Variants in EIF6 observed in about 807,000 individuals in gnomAD.
EIF6 encodes the protein B4 integrin interactor.
A neutral mutation model predicts 25.5 loss-of-function variants in EIF6; 10 were observed. The observed-to-expected ratio is 0.39, with a 90% CI of 0.24 to 0.66. The LOEUF (loss-of-function observed/expected upper bound fraction) is 0.66, where lower values mean the gene tolerates loss of function less well. Among genes scored for constraint, EIF6 ranks in the 30% least tolerant of loss-of-function variants. The pLI is 0.45. For missense variants in EIF6, 246 were observed against 315.4 expected, an observed-to-expected ratio of 0.78 and a Z score of 1.67; for synonymous variants, 122 against 122.6, an observed-to-expected ratio of 1.00 and a Z score of 0.03.
rs1335172687 is a variant in EIF6 at position 35,284,422 on chromosome 20, G to A, written c.66C>T (p.Thr22=). The change falls in exon 2 of 7, where the codon ACC becomes ACT. Residue 22 remains threonine, a synonymous_variant. Coordinates refer to ENST00000374450, the MANE Select transcript of EIF6 (RefSeq NM_002212.4). ...EIGCFAKLTN[T]YCLVAIGGSE... ...AGCCTCCGATCGCTACCAGACAGTA[G>A]GTGTTGGTGAGCTTGGCAAAGCAGC... The A allele has an allele frequency of 6.2e-7, 1 of 1,613,958 alleles. No homozygotes were observed.
rs576411493 is a variant in EIF6, at chr20:35,279,487, G to T, written c.728+79C>A. ...AACAAACTGGTAGGCTCCCATTCTAGATGACATCTTTTCCCCATACTCTCA... is the reference window on the plus strand; with the variant it reads ...AACAAACTGGTAGGCTCCCATTCTATATGACATCTTTTCCCCATACTCTCA... On this transcript the variant is annotated intron_variant, in intron 6 of 6. Transcript: ENST00000374450. The T allele has an allele frequency of 4.7e-5, 73 of 1,564,518 alleles. 2 individuals are homozygous for T. In the African/African-American group the frequency reaches 8.9e-4, roughly 19 times the overall value.
At chr20:35,283,420 C>T (rs765431608) in intron 3 of EIF6, among the ~76,000 whole-genome samples, 34 of 152,322 alleles carry the variant, frequency 2.2e-4, no homozygotes, top group Non-Finnish European at 4.6e-4. Context: ...AGGAAGACCG[C>T]ATATCTTAGC....
intron 3 of EIF6, among the ~76,000 whole-genome samples, chr20:35,283,300 T>A (rs902310974): frequency 2.7e-5 from 4 of 149,270 alleles, no homozygotes; most frequent in South Asian, 2.1e-4. Flanking sequence ...AAAAAAATAA[T>A]AATAATAATA....
At chr20:35,284,082 T>C in intron 3 of EIF6, 94 bp downstream of exon 3, 1 of 1,431,592 alleles carries the variant, frequency 7.0e-7, no homozygotes, top group Non-Finnish European at 9.4e-7. Context: ...GATGATACCC[T>C]GGGAATCCCT....
chr20:35,282,138 G>GCCA (rs2060780713), intron 3 of EIF6, among the ~76,000 whole-genome samples: 1 of 151,930 alleles, frequency 6.6e-6, no homozygotes, highest in Admixed American at 6.6e-5. Context: ...ACAGGCACCC[G>GCCA]CCACCACACC....
At chr20:35,284,083 G>A in intron 3 of EIF6, 93 bp downstream of exon 3, 1 of 1,439,502 alleles carries the variant, frequency 6.9e-7, no homozygotes, top group Non-Finnish European at 9.3e-7. Context: ...ATGATACCCT[G>A]GGAATCCCTA....
In EIF6 at chr20:35,284,472, A is replaced by T; in HGVS notation, c.16T>A (p.Ser6Thr). 6.2e-7 allele frequency: 1 copy of T among 1,608,560 alleles called. No homozygotes were observed. The highest frequency in any genetic ancestry group is 8.5e-7 in the Non-Finnish European group (1 of 1,175,614). The change falls in exon 2 of 7, where the codon TCG (serine) becomes ACG (threonine). Residue 6 changes from serine to threonine, a missense_variant. Coordinates refer to ENST00000374450, the MANE Select transcript of EIF6 (RefSeq NM_002212.4). The stretch of plus-strand genomic sequence containing the variant: ...CCGATCTCACAGTTGTTCTCGAACG[A>T]AGCTCGGACCGCCATGAGGCCTAGG... MAVRA[S>T]FENNCEIGCF...
Position 35,284,743 on chromosome 20 carries a change from G to A in EIF6, c.-23C>T, listed in dbSNP as rs1031541059. 1.9e-6 allele frequency: 1 copy of A among 536,850 alleles called. No homozygotes were observed. The highest frequency in any genetic ancestry group is 3.3e-6 in the Non-Finnish European group (1 of 301,498). The allele number at this position is 536,850 out of a possible 1,614,324, so 33.3% of individuals were successfully genotyped here. On this transcript the variant is annotated 5_prime_UTR_variant, in exon 1 of 7. Coordinates refer to ENST00000374450, the MANE Select transcript of EIF6 (RefSeq NM_002212.4). ...CAGCTTACCAAGTAACCAGTAACAA[G>A]CTCCGCACGCGGCGACTGTACCTTG...
Position 35,280,116 on chromosome 20 carries a change from C to A in EIF6, c.372G>T (p.Glu124Asp). ...VALVHPDLDRETEEILADVLK... is the reference protein window; with the variant it reads ...VALVHPDLDRDTEEILADVLK... Reference sequence around the variant, plus strand: ...GCACATCTGCCAGAATTTCTTCTGTCTCCTGTCAATCAAAGATATTGTGTT... The same window carrying A: ...GCACATCTGCCAGAATTTCTTCTGTATCCTGTCAATCAAAGATATTGTGTT... Residue 124 changes from glutamate to aspartate, a missense_variant and splice_region_variant, in exon 5 of 7, where the codon GAG becomes GAT. By Grantham distance (45) the Glu-to-Asp change is conservative. Coordinates refer to ENST00000374450, the MANE Select transcript of EIF6 (RefSeq NM_002212.4). 1 of 1,613,922 alleles carries A rather than the reference C, an allele frequency of 6.2e-7. No homozygotes were observed. The highest frequency in any genetic ancestry group is 8.5e-7 in the Non-Finnish European group (1 of 1,179,844).
At chr20:35,284,323 G>A (rs1014360627) in intron 2 of EIF6, 58 bp downstream of exon 2, 21 of 1,613,712 alleles carry the variant, frequency 1.3e-5, no homozygotes, top group African/African-American at 1.1e-4. Context: ...CACTGCCGGA[G>A]CTCTTGACTC....
At chr20:35,280,194 T>C in intron 4 of EIF6, 76 bp from the exon 5 acceptor site, 1 of 1,525,970 alleles carries the variant, frequency 6.6e-7, no homozygotes, top group South Asian at 1.2e-5. Context: ...CCCAGAAGCA[T>C]CCAGGCCTTG....
chr20:35,280,053 C>A lies in EIF6; in HGVS notation c.435G>T (p.Gln145His). 6.2e-7 allele frequency: 1 copy of A among 1,614,222 alleles called. No individual in the cohort carries two copies. The highest frequency in any genetic ancestry group is 8.5e-7 in the Non-Finnish European group (1 of 1,180,040). The change falls in exon 5 of 7, where the codon CAG becomes CAT. Residue 145 changes from glutamine (Q) to histidine (H), a missense_variant. Physicochemically the swap from Gln to His is conservative, Grantham distance 24 (BLOSUM62 0). Coordinates refer to ENST00000374450, the MANE Select transcript of EIF6 (RefSeq NM_002212.4). ...AGACACAGTAGCTTCCTACTAGCAC[C>A]TGGTCGGCCACTGTCTGTCTGAAGA... ...VEVFRQTVAD[Q>H]VLVGSYCVFS... is the part of the protein sequence containing the mutation.
intron 3 of EIF6, 70 bp from the exon 4 acceptor site, chr20:35,280,899 T>C (rs2425043): frequency 0.22 from 343,989 of 1,545,240 alleles, 40,479 homozygotes; most frequent in South Asian, 0.35. Context: ...AGGATACCAC[T>C]CAGCCCAGCC....
intron 1 of EIF6, 36 bp downstream of exon 1, chr20:35,284,690 A>G (rs1489897953): frequency 6.5e-6 from 4 of 616,730 alleles, no homozygotes; most frequent in South Asian, 2.0e-5. Flanking sequence ...CCAGGACCGG[A>G]GCTGACCCTC....
Position 35,280,124 on chromosome 20 carries a change from A to C in EIF6, c.370-6T>G, listed in dbSNP as rs778932456. ...GCCAGAATTTCTTCTGTCTCCTGTC[A>C]ATCAAAGATATTGTGTTCAGGGCTC... On this transcript the variant is annotated splice_region_variant and splice_polypyrimidine_tract_variant and intron_variant, in intron 4 of 6. Transcript: ENST00000374450. 13 of 1,613,440 alleles carry C rather than the reference A, an allele frequency of 8.1e-6. No homozygotes were observed. The Admixed American group carries it at 1.3e-4, about 17-fold the overall frequency.
chr20:35,278,958 C>T lies in EIF6; in HGVS notation c.*239G>A. 2 of 590,342 alleles carry T rather than the reference C, an allele frequency of 3.4e-6. No individual in the cohort carries two copies. The highest frequency in any genetic ancestry group is 6.1e-6 in the Non-Finnish European group (2 of 329,954). The allele number at this position is 590,342 out of a possible 1,614,324, so 36.6% of individuals were successfully genotyped here. ...TGCACTTTAATGGGGTGGCACAGGA[C>T]AGCAGAACCCTCAGCCAGCAGCCAC... is the stretch of plus-strand genomic sequence containing the variant. On this transcript the variant is annotated 3_prime_UTR_variant, in exon 7 of 7. Coordinates refer to ENST00000374450, the MANE Select transcript of EIF6 (RefSeq NM_002212.4).
rs1379381287 is a variant in EIF6 at position 35,279,736 on chromosome 20, C to T, written c.558G>A (p.Val186=). Residue 186 remains valine (V), a synonymous_variant, in exon 6 of 7, where the codon GTG becomes GTA. Coordinates refer to ENST00000374450, the MANE Select transcript of EIF6 (RefSeq NM_002212.4). ...CAGCAATCACCTCACTGCCTCGGTT[C>T]ACAGTCCCCGCCTGCCAAGGGATGG... ...LLQVPLVAGT[V]NRGSEVIAAG... is the part of the protein sequence containing the mutation. 1 of 1,614,132 alleles carries T rather than the reference C, an allele frequency of 6.2e-7. No homozygotes were observed. Among genetic ancestry groups the T allele is most frequent in the Admixed American group, 1.7e-5 (1 of 60,020 alleles).
In EIF6 at chr20:35,284,497, G is replaced by GGGC. The variant is rs1194902449; in HGVS notation, c.-5-8_-5-6dup. The GGGC allele has an allele frequency of 6.3e-7, 1 of 1,591,292 alleles. No homozygotes were observed. Among genetic ancestry groups the GGGC allele is most frequent in the Non-Finnish European group, 8.6e-7 (1 of 1,163,276 alleles). ...AAGCTCGGACCGCCATGAGGCCTAG[G>GGGC]GGCGGCGGAGGCGGGAGTTCAAGGC... is the stretch of plus-strand genomic sequence containing the variant. On this transcript the variant is annotated splice_region_variant and splice_polypyrimidine_tract_variant and intron_variant, in intron 1 of 6. Coordinates refer to ENST00000374450, the MANE Select transcript of EIF6 (RefSeq NM_002212.4).
Position 35,280,725 on chromosome 20 carries a change from G to A in EIF6, c.298C>T (p.Arg100Trp), listed in dbSNP as rs1193792684. 10 of 1,613,708 alleles carry A rather than the reference G, an allele frequency of 6.2e-6. No individual in the cohort carries two copies. The highest frequency in any genetic ancestry group is 4.5e-5 in the East Asian group (2 of 44,886). ...DTVQIRRVEE[R>W]LSALGNVTTC... ...GTGACATTGCCCAAGGCTGAGAGCC[G>A]CTCCTCCACCCGCCTAATCTGCACT... The change falls in exon 4 of 7, where the codon CGG becomes TGG. Residue 100 changes from arginine (R) to tryptophan (W), a missense_variant. Transcript: ENST00000374450.
Sources: allele counts gnomAD v4.1 joint callset (sites outside exome capture counted in the v4.1 genomes callset), GRCh38; gene constraint gnomAD v4.1.1; transcripts MANE v1.5; gene names NCBI Gene and HGNC (gene_info 2026-07-23, HGNC 2026-07-21).